The following KLF12 variants were observed in gnomAD, a reference collection of about 807,000 sequenced individuals.
The protein encoded by KLF12 is KLF transcription factor 12.
A neutral mutation model predicts 37.8 loss-of-function variants in KLF12; 9 were observed. The ratio of observed to expected loss-of-function variants is 0.24; its 90% CI spans 0.14 to 0.42. KLF12 has a LOEUF of 0.42. Among genes scored for constraint, KLF12 ranks in the 10% least tolerant of loss-of-function variants. The probability of loss-of-function intolerance (pLI) is 1.00; values close to 1 mark genes in which losing one functional copy is unlikely to be tolerated. For synonymous variants in KLF12, 208 were observed against 202.1 expected (o/e 1.03, Z -0.25); for missense variants, 411 against 516.0 (o/e 0.80, Z 1.97).
chr13:74,063,954 G>A (rs1231921461), intron 1 of KLF12, among the ~76,000 whole-genome samples: 1 of 152,146 alleles, frequency 6.6e-6, no homozygotes. Context: ...TCAGTGCCCT[G>A]TGGACACAAA....
At chr13:74,304,019 C>CTA in the KLF12 span, among the ~76,000 whole-genome samples, 8 of 152,130 alleles carry the variant, frequency 5.3e-5, no homozygotes, top group Non-Finnish European at 1.0e-4. Context: ...CAGATTCCTC[C>CTA]TAGGCCTTTC....
intron 3 of KLF12, among the ~76,000 whole-genome samples, chr13:73,923,403 G>A (rs1452988863): frequency 6.6e-6 from 1 of 152,030 alleles, no homozygotes; most frequent in Non-Finnish European, 1.5e-5. Flanking sequence ...CAACTCTCAC[G>A]GAGTTTTAAA....
intron 7 of KLF12, among the ~76,000 whole-genome samples, chr13:73,699,907 C>T (rs1480042774): frequency 6.6e-6 from 1 of 151,988 alleles, no homozygotes; most frequent in South Asian, 2.1e-4. Flanking sequence ...AGGGAAGAGG[C>T]CTCAGAAATA....
At chr13:73,942,905 T>C (rs1445258835) in intron 3 of KLF12, among the ~76,000 whole-genome samples, 8 of 152,200 alleles carry the variant, frequency 5.3e-5, no homozygotes, top group African/African-American at 1.9e-4. Flanking sequence ...GCCTGCTATG[T>C]GATGCTCAGG....
intron 2 of KLF12, among the ~76,000 whole-genome samples, chr13:73,952,036 A>C (rs1890666473): frequency 6.6e-6 from 1 of 152,230 alleles, no homozygotes; most frequent in Non-Finnish European, 1.5e-5. Flanking sequence ...TGGGATGAGC[A>C]TAGGCAAAAT....
intron 1 of KLF12, among the ~76,000 whole-genome samples, chr13:74,040,333 A>T (rs1320871468): frequency 6.6e-6 from 1 of 152,184 alleles, no homozygotes; most frequent in Non-Finnish European, 1.5e-5. Context: ...AGGAAGAGAA[A>T]AAGTGTGCTC....
At chr13:73,909,836 T>C (rs1035094209) in intron 3 of KLF12, among the ~76,000 whole-genome samples, 6 of 152,356 alleles carry the variant, frequency 3.9e-5, no homozygotes, top group Middle Eastern at 3.4e-3. Flanking sequence ...AAGGGAAACA[T>C]CTTTAAATTC....
intron 1 of KLF12, among the ~76,000 whole-genome samples, chr13:74,109,557 A>G (rs1376891721): frequency 1.3e-5 from 2 of 152,202 alleles, no homozygotes; most frequent in African/African-American, 4.8e-5. Flanking sequence ...TGTATTAGTT[A>G]AAAGCAACAT....
At chr13:73,995,996 T>G (rs1892107238) in intron 1 of KLF12, among the ~76,000 whole-genome samples, 1 of 152,198 alleles carries the variant, frequency 6.6e-6, no homozygotes, top group African/African-American at 2.4e-5. Context: ...CTATGGGCCG[T>G]AGCACTGGGC....
chr13:73,771,294 T>C (rs1216194712), intron 5 of KLF12, among the ~76,000 whole-genome samples: 1 of 152,232 alleles, frequency 6.6e-6, no homozygotes, highest in Non-Finnish European at 1.5e-5. Flanking sequence ...CTTACTGTCA[T>C]ATCTCCAGTA....
intron 3 of KLF12, among the ~76,000 whole-genome samples, chr13:73,939,502 A>T (rs1226240992): frequency 6.6e-6 from 1 of 152,178 alleles, no homozygotes; most frequent in African/African-American, 2.4e-5. Flanking sequence ...TAAAAATTCA[A>T]ATTAAAAAAA....
chr13:74,204,835 A>G, the KLF12 span, among the ~76,000 whole-genome samples: 7 of 152,104 alleles, frequency 4.6e-5, no homozygotes, highest in South Asian at 2.1e-4. Context: ...TTTTTGTGCT[A>G]TTATACCGAG....
rs186674727 is a variant in KLF12 at position 73,962,096 on chromosome 13, G to A, written c.34-18026C>T. ...TCAAAATGTCCTTCATTAGGTGAATGGATAAACTGTGGTACATCCAGACAA... is the reference window on the plus strand; with the variant it reads ...TCAAAATGTCCTTCATTAGGTGAATAGATAAACTGTGGTACATCCAGACAA... On this transcript the variant is annotated intron_variant, in intron 2 of 7. Transcript: ENST00000377669. The A allele has an allele frequency of 2.0e-5, 9 of 440,298 alleles. No homozygotes were observed. In the East Asian group the frequency reaches 3.6e-4, roughly 18 times the overall value. 27.3% of individuals were successfully genotyped at this position (440,298 alleles called of 1,614,324 possible).
At chr13:73,773,352 G>A (rs965481143) in intron 5 of KLF12, among the ~76,000 whole-genome samples, 2 of 152,158 alleles carry the variant, frequency 1.3e-5, no homozygotes, top group African/African-American at 4.8e-5. Flanking sequence ...ACTCATTTCA[G>A]GCTCATATGA....
the KLF12 span, among the ~76,000 whole-genome samples, chr13:74,256,244 C>T: frequency 6.6e-6 from 1 of 151,496 alleles, no homozygotes; most frequent in Non-Finnish European, 1.5e-5. Flanking sequence ...ACACTGGAAT[C>T]AGCATGGCCC....
At chr13:73,705,671 GTAGT>G (rs146088524) in intron 7 of KLF12, among the ~76,000 whole-genome samples, 9,133 of 152,124 alleles carry the variant, frequency 0.06, 299 homozygotes, top group South Asian at 0.15. Context: ...TTTTATATTA[GTAGT>G]TAATTTTACC....
At chr13:74,242,624 G>A in the KLF12 span, among the ~76,000 whole-genome samples, 4 of 152,158 alleles carry the variant, frequency 2.6e-5, no homozygotes, top group South Asian at 2.1e-4. Context: ...TATATGAGAC[G>A]TAACAAAGTC....
the KLF12 span, among the ~76,000 whole-genome samples, chr13:74,169,057 T>C: frequency 7.6e-4 from 115 of 152,306 alleles, 2 homozygotes; most frequent in Non-Finnish European, 1.5e-5. Flanking sequence ...AGTCTTAGAT[T>C]GTATAGTTTA....
rs77585518 is a variant in KLF12, at chr13:73,735,901, C to T, written c.870-20376G>A. Reference sequence around the variant, plus strand: ...GCCAACTGGGTCAAGATTTTGAATGCTGCGACCAAGTACTTGTCTTTGCCC... The same window carrying T: ...GCCAACTGGGTCAAGATTTTGAATGTTGCGACCAAGTACTTGTCTTTGCCC... On this transcript the variant is annotated intron_variant, in intron 6 of 7. Transcript: ENST00000377669. Among the ~76,000 whole-genome samples the T allele has an allele frequency of 3.4e-3, 522 of 151,908 alleles. 4 individuals carry two copies. The highest frequency in any genetic ancestry group is 0.011 in the African/African-American group (472 of 41,412).
Sources: allele counts gnomAD v4.1 joint callset (sites outside exome capture counted in the v4.1 genomes callset), GRCh38; gene constraint gnomAD v4.1.1; transcripts MANE v1.5; gene names NCBI Gene and HGNC (gene_info 2026-07-23, HGNC 2026-07-21).